The following ZEB1 variants were observed in gnomAD, a reference collection of about 807,000 sequenced individuals.
ZEB1 encodes the protein zinc finger E-box binding homeobox 1.
Under a neutral mutation model 84.9 loss-of-function variants are expected in ZEB1, and 21 were observed. The observed-to-expected ratio is 0.25, with a 90% CI of 0.18 to 0.36. The LOEUF (loss-of-function observed/expected upper bound fraction) is 0.36, where lower values mean the gene tolerates loss of function less well. Among genes scored for constraint, ZEB1 ranks in the 10% least tolerant of loss-of-function variants. The pLI, the probability that ZEB1 is intolerant of heterozygous loss-of-function variation, is 1.00. For missense variants in ZEB1, 1,104 were observed against 1,330.2 expected, an observed-to-expected ratio of 0.83 and a Z score of 2.65; for synonymous variants, 420 against 471.1, an observed-to-expected ratio of 0.89 and a Z score of 1.41.
At chr10:31,362,448 T>C (rs1349182287) in intron 1 of ZEB1, among the ~76,000 whole-genome samples, 6 of 122,054 alleles carry the variant, frequency 4.9e-5, no homozygotes, top group Non-Finnish European at 7.0e-5. Flanking sequence ...GACGGGACGG[T>C]GGCTGGGCAG....
chr10:31,437,832 G>A (rs966372874), intron 1 of ZEB1, among the ~76,000 whole-genome samples: 1 of 152,134 alleles, frequency 6.6e-6, no homozygotes, highest in African/African-American at 2.4e-5. Context: ...AGGAATCTTG[G>A]AGAACCAAAT....
At chr10:31,353,985 G>C (rs1187745859) in intron 1 of ZEB1, among the ~76,000 whole-genome samples, 1 of 152,064 alleles carries the variant, frequency 6.6e-6, no homozygotes, top group Non-Finnish European at 1.5e-5. Context: ...GAAAGAATGA[G>C]GATAGACACA....
At chr10:31,350,925 TGTTAGA>T (rs1401576828) in intron 1 of ZEB1, among the ~76,000 whole-genome samples, 4 of 152,310 alleles carry the variant, frequency 2.6e-5, no homozygotes, top group Non-Finnish European at 4.4e-5. Flanking sequence ...TCTGATAAAT[TGTTAGA>T]GTTAGAAGTA....
At chr10:31,454,838 G>C (rs571326844) in intron 1 of ZEB1, among the ~76,000 whole-genome samples, 4 of 152,168 alleles carry the variant, frequency 2.6e-5, no homozygotes, top group African/African-American at 7.2e-5. Flanking sequence ...CCATACTGCC[G>C]AAAGTAATTT....
chr10:31,414,302 A>G (rs1209691164), intron 1 of ZEB1, among the ~76,000 whole-genome samples: 1 of 152,346 alleles, frequency 6.6e-6, no homozygotes, highest in East Asian at 1.9e-4. Flanking sequence ...CTGAATAGGT[A>G]GTAATTTAAT....
At chr10:31,510,052 G>A (rs987955065) in intron 4 of ZEB1, among the ~76,000 whole-genome samples, 2 of 152,104 alleles carry the variant, frequency 1.3e-5, no homozygotes, top group African/African-American at 4.8e-5. Context: ...TATGTAGCAG[G>A]CCTAGATCTG....
chr10:31,503,777 T>C (rs1591933322), intron 4 of ZEB1, among the ~76,000 whole-genome samples: 2 of 152,054 alleles, frequency 1.3e-5, no homozygotes, highest in Middle Eastern at 3.4e-3. Context: ...TGAAATGATA[T>C]ATTATTGTGG....
intron 3 of ZEB1, among the ~76,000 whole-genome samples, chr10:31,502,108 AT>A (rs2068233564): frequency 6.6e-6 from 1 of 152,190 alleles, no homozygotes; most frequent in Admixed American, 6.6e-5. Flanking sequence ...TGACTTTAAC[AT>A]TTGAAAGGGA....
intron 1 of ZEB1, among the ~76,000 whole-genome samples, chr10:31,359,996 T>C (rs1291782540): frequency 6.6e-6 from 1 of 152,212 alleles, no homozygotes. Context: ...ATAAAGTGTC[T>C]GTTTTTTCAA....
intron 1 of ZEB1, among the ~76,000 whole-genome samples, chr10:31,440,647 T>C (rs1475005872): frequency 6.6e-6 from 1 of 152,182 alleles, no homozygotes; most frequent in Non-Finnish European, 1.5e-5. Context: ...TGATTGTATA[T>C]TTAGAAAACC....
Position 31,383,089 on chromosome 10 carries a change from T to C in ZEB1, c.58+63797T>C, listed in dbSNP as rs2047979465. On this transcript the variant is annotated intron_variant, in intron 1 of 8. Transcript: ENST00000424869. ...TTAGGAAACACTATGCTAATTATTT[T>C]ACATATATATATATATAAAATGCCC... Among the ~76,000 whole-genome samples the C allele has an allele frequency of 2.1e-5, 3 of 145,450 alleles. No homozygotes were observed. In the South Asian group the frequency reaches 6.4e-4, roughly 31 times the overall value.
At chr10:31,526,359 G>C (rs944343554) in intron 8 of ZEB1, among the ~76,000 whole-genome samples, 5 of 152,102 alleles carry the variant, frequency 3.3e-5, no homozygotes, top group African/African-American at 1.2e-4. Context: ...TTCACTACCA[G>C]ACATCTCCTC....
chr10:31,427,473 T>C (rs1186717063), intron 1 of ZEB1, among the ~76,000 whole-genome samples: 1 of 152,072 alleles, frequency 6.6e-6, no homozygotes, highest in Non-Finnish European at 1.5e-5. Context: ...TATGACTCAC[T>C]CTCTTTCTCT....
At chr10:31,379,561 G>T (rs933861060) in intron 1 of ZEB1, among the ~76,000 whole-genome samples, 4 of 152,034 alleles carry the variant, frequency 2.6e-5, no homozygotes, top group African/African-American at 9.6e-5. Flanking sequence ...GGGTCAATCT[G>T]TGCCAGTCAC....
intron 1 of ZEB1, among the ~76,000 whole-genome samples, chr10:31,348,032 A>G (rs1212598018): frequency 6.6e-6 from 1 of 152,234 alleles, no homozygotes; most frequent in African/African-American, 2.4e-5. Context: ...CTGGGTTAGT[A>G]ACATAGGTTG....
intron 1 of ZEB1, among the ~76,000 whole-genome samples, chr10:31,409,871 C>G (rs1280948043): frequency 2.6e-5 from 4 of 152,164 alleles, no homozygotes; most frequent in Non-Finnish European, 5.9e-5. Context: ...TATCCTGAGA[C>G]TTTGCTGAAG....
At chr10:31,447,306 GTC>G (rs1448579359) in intron 1 of ZEB1, among the ~76,000 whole-genome samples, 2 of 142,632 alleles carry the variant, frequency 1.4e-5, no homozygotes, top group Non-Finnish European at 3.1e-5. Context: ...GCCTATGTGT[GTC>G]TCTGCACGTG....
At chr10:31,471,924 A>G (rs1405886171) in intron 2 of ZEB1, among the ~76,000 whole-genome samples, 43 of 141,824 alleles carry the variant, frequency 3.0e-4, no homozygotes, top group Non-Finnish European at 3.4e-4. Context: ...AAACCACTCA[A>G]CTACATGGAA....
At position 31,527,803 on chromosome 10, in the gene ZEB1, T is replaced by TTAAC. The variant is rs2073763966; in HGVS notation, c.*540_*541insAACT. On this transcript the variant is annotated 3_prime_UTR_variant, in exon 9 of 9. Coordinates refer to ENST00000424869, the MANE Select transcript of ZEB1 (RefSeq NM_001174096.2). ...CCCTTCACAGAGAAGTATAATGTAG[T>TTAAC]TCCAACCCGTGCTAACTACCTTTTA... is the stretch of plus-strand genomic sequence containing the variant. 1 of 157,008 alleles carries TTAAC rather than the reference T, an allele frequency of 6.4e-6. No individual in the cohort carries two copies. Among genetic ancestry groups the TTAAC allele is most frequent in the Admixed American group, 6.2e-5 (1 of 16,182 alleles). The allele number at this position is 157,008 out of a possible 1,614,324, so 9.7% of individuals were successfully genotyped here.
Sources: gnomAD v4.1 joint callset for allele counts (sites outside exome capture counted in the v4.1 genomes callset) on GRCh38, gnomAD v4.1.1 for gene constraint, MANE v1.5 for transcripts, NCBI Gene and HGNC (gene_info 2026-07-23, HGNC 2026-07-21) for gene names.